LACTB: variants seen among roughly 807,000 people sequenced by gnomAD.
LACTB encodes serine beta-lactamase-like protein LACTB, mitochondrial.
A neutral mutation model predicts 50.2 loss-of-function variants in LACTB; 35 were observed. The observed-to-expected ratio is 0.70, with a 90% confidence interval of 0.53 to 0.92. The LOEUF is 0.92. Ranked by LOEUF, LACTB falls within the 40% of genes least tolerant of loss-of-function variation. LACTB has a pLI of 0.00. For missense variants in LACTB, 664 were observed against 691.8 expected, an observed-to-expected ratio of 0.96 and a Z score of 0.45; for synonymous variants, 252 against 268.2, an observed-to-expected ratio of 0.94 and a Z score of 0.59.
intron 2 of LACTB, among the ~76,000 whole-genome samples, chr15:63,125,231 G>A (rs1379321293): frequency 1.3e-5 from 2 of 150,546 alleles, no homozygotes; most frequent in South Asian, 2.1e-4. Context: ...GCAATAGTGC[G>A]ATCTCAGCTC....
In LACTB at chr15:63,122,169, T is replaced by G; in HGVS notation, c.298T>G (p.Cys100Gly). The change falls in exon 1 of 6, where the codon TGC (cysteine) becomes GGC (glycine). Residue 100 changes from cysteine (C) to glycine (G), a missense_variant. By Grantham distance (159) the Cys-to-Gly change is radical (BLOSUM62 -3). Coordinates refer to ENST00000261893, the MANE Select transcript of LACTB (RefSeq NM_032857.5). ...PWSPQTPAPP[C>G]SRCFARAIES... ...GTCTCCGCAGACCCCGGCGCCGCCC[T>G]GCTCCAGGTGCTTCGCCAGAGCCAT... is the stretch of plus-strand genomic sequence containing the variant. 1 of 1,523,536 alleles carries G rather than the reference T, an allele frequency of 6.6e-7. No individual in the cohort carries two copies. Among genetic ancestry groups the G allele is most frequent in the Non-Finnish European group, 8.7e-7 (1 of 1,143,558 alleles). 94.4% of individuals were successfully genotyped at this position (1,523,536 alleles called of 1,614,324 possible). A position where few individuals can be genotyped will look rare whatever the true frequency, so the allele number is the denominator to read the frequency against.
intron 2 of LACTB, among the ~76,000 whole-genome samples, chr15:63,125,436 G>A (rs947109996): frequency 6.6e-6 from 1 of 152,034 alleles, no homozygotes; most frequent in Admixed American, 6.6e-5. Flanking sequence ...CCAAAGTGCT[G>A]GGATTACAGG....
intron 5 of LACTB, among the ~76,000 whole-genome samples, chr15:63,138,483 T>G (rs1258153407): frequency 6.6e-6 from 1 of 152,192 alleles, no homozygotes; most frequent in Non-Finnish European, 1.5e-5. Flanking sequence ...CAAGAACTTG[T>G]GTCTATATTC....
chr15:63,131,063 T>TG (rs1401776341), intron 5 of LACTB: 1 of 152,168 alleles, frequency 6.6e-6, no homozygotes, highest in East Asian at 1.9e-4. Flanking sequence ...GAGGCTGAGG[T>TG]GGGCGGATCA....
intron 2 of LACTB, among the ~76,000 whole-genome samples, chr15:63,123,441 C>A (rs1450358067): frequency 6.6e-6 from 1 of 152,172 alleles, no homozygotes; most frequent in African/African-American, 2.4e-5. Context: ...TAGGGACCAG[C>A]CCCACAGGGT....
intron 2 of LACTB, 136 bp downstream of exon 2, chr15:63,122,838 A>C (rs542647185): frequency 3.1e-6 from 2 of 652,388 alleles, no homozygotes; most frequent in East Asian, 5.6e-5. Context: ...CATCTAACAT[A>C]ATAAAGAGTC....
chr15:63,122,290 CG>C (rs767566227), intron 1 of LACTB, 62 bp downstream of exon 1: 85 of 1,394,580 alleles, frequency 6.1e-5, no homozygotes, highest in South Asian at 3.7e-4. Context: ...GCGGTGCTGT[CG>C]GGGGCTGAGT....
In LACTB at chr15:63,122,083, C is replaced by T. The variant is rs1214119006; in HGVS notation, c.212C>T (p.Ala71Val). The T allele has an allele frequency of 1.4e-6, 2 of 1,457,518 alleles. No individual in the cohort carries two copies. Among genetic ancestry groups the T allele is most frequent in the Non-Finnish European group, 1.8e-6 (2 of 1,113,516 alleles). The allele number at this position is 1,457,518 out of a possible 1,614,324, so 90.3% of individuals were successfully genotyped here. A position where few individuals can be genotyped will look rare whatever the true frequency, so the allele number is the denominator to read the frequency against. ...RGAAPAQSPA[A>V]PDPEASPLAE... ...GCGGCCCCGGCGCAGTCCCCCGCGG[C>T]CCCCGACCCTGAGGCGTCGCCTCTG... The change falls in exon 1 of 6, where the codon GCC becomes GTC. Residue 71 changes from alanine to valine, a missense_variant. Coordinates refer to ENST00000261893, the MANE Select transcript of LACTB (RefSeq NM_032857.5).
At chr15:63,125,301 G>C (rs192537663) in intron 2 of LACTB, among the ~76,000 whole-genome samples, 19 of 151,838 alleles carry the variant, frequency 1.3e-4, no homozygotes, top group Admixed American at 3.9e-4. Flanking sequence ...CCGATTAGCT[G>C]GGATTACAGG....
At chr15:63,140,593 C>G (rs1249837336) in intron 5 of LACTB, among the ~76,000 whole-genome samples, 6 of 152,164 alleles carry the variant, frequency 3.9e-5, no homozygotes, top group Non-Finnish European at 8.8e-5. Context: ...GCCTTTCCCA[C>G]TGCACCAAGA....
At chr15:63,136,608 C>G (rs1471098372) in intron 5 of LACTB, among the ~76,000 whole-genome samples, 1 of 151,948 alleles carries the variant, frequency 6.6e-6, no homozygotes, top group East Asian at 1.9e-4. Flanking sequence ...CTATTTGGGC[C>G]TCTAAAACTC....
chr15:63,122,132 C>G lies in LACTB; in HGVS notation c.261C>G (p.Ser87=). The G allele has an allele frequency of 6.7e-7, 1 of 1,498,170 alleles. No homozygotes were observed. Among genetic ancestry groups the G allele is most frequent in the Non-Finnish European group, 8.8e-7 (1 of 1,131,490 alleles). The allele number at this position is 1,498,170 out of a possible 1,614,324, so 92.8% of individuals were successfully genotyped here. Residue 87 remains serine (S), a synonymous_variant, in exon 1 of 6, where the codon TCC becomes TCG. Transcript: ENST00000261893. ...SPLAEPPQEQ[S]LAPWSPQTPA... The stretch of plus-strand genomic sequence containing the variant: ...TGGCCGAGCCGCCACAGGAGCAGTC[C>G]CTCGCCCCGTGGTCTCCGCAGACCC...
intron 2 of LACTB, chr15:63,125,858 C>G (rs1219298731): frequency 1.4e-5 from 1 of 69,782 alleles, no homozygotes; most frequent in African/African-American, 4.1e-5. Context: ...TTCTTTCTTT[C>G]TTTCTTTTTT....
At chr15:63,133,170 A>G (rs2037148387) in intron 5 of LACTB, among the ~76,000 whole-genome samples, 1 of 152,206 alleles carries the variant, frequency 6.6e-6, no homozygotes, top group African/African-American at 2.4e-5. Flanking sequence ...AAATGCTATG[A>G]TTTTATATAA....
chr15:63,132,978 C>T (rs1219671702), intron 5 of LACTB, among the ~76,000 whole-genome samples: 1 of 152,158 alleles, frequency 6.6e-6, no homozygotes, highest in African/African-American at 2.4e-5. Flanking sequence ...ACGACATTTT[C>T]TCTCCATTTT....
chr15:63,141,695 G>C lies in LACTB; in HGVS notation c.1534G>C (p.Val512Leu), dbSNP rs1040866866. Residue 512 changes from valine (V) to leucine (L), a missense_variant, in exon 6 of 6, where the codon GTT (valine) becomes CTT (leucine). Val to Leu is a conservative substitution (Grantham distance 32). Coordinates refer to ENST00000261893, the MANE Select transcript of LACTB (RefSeq NM_032857.5). The stretch of plus-strand genomic sequence containing the variant: ...GGATACAGAGACTATAAATAACAAG[G>C]TTCCCCCAAGAGGAATCATTGTTTC... ...ELDTETINNK[V>L]PPRGIIVSII... 6.2e-7 allele frequency: 1 copy of C among 1,614,104 alleles called. No homozygotes were observed. Among genetic ancestry groups the C allele is most frequent in the Admixed American group, 1.7e-5 (1 of 60,020 alleles).
At position 63,127,566 on chromosome 15, in the gene LACTB, A is replaced by T. The variant is rs766986822; in HGVS notation, c.829A>T (p.Asn277Tyr). ...TEQENEAKCR[N>Y]SKPGKKKNDF... ...GCAGGAGAATGAAGCCAAATGCCGG[A>T]ATTCAAAACCTGGCAAGAAAAAGAA... The change falls in exon 4 of 6, where the codon AAT (asparagine) becomes TAT (tyrosine). Residue 277 changes from asparagine (N) to tyrosine (Y), a missense_variant. Physicochemically the swap from Asn to Tyr is moderately radical, Grantham distance 143. Coordinates refer to ENST00000261893, the MANE Select transcript of LACTB (RefSeq NM_032857.5). 2 of 1,613,812 alleles carry T rather than the reference A, an allele frequency of 1.2e-6. No individual in the cohort carries two copies. The highest frequency in any genetic ancestry group is 2.2e-5 in the South Asian group (2 of 91,052).
intron 5 of LACTB, among the ~76,000 whole-genome samples, chr15:63,135,218 T>C (rs1346203474): frequency 6.6e-6 from 1 of 152,206 alleles, no homozygotes; most frequent in Non-Finnish European, 1.5e-5. Context: ...CATACTAGTT[T>C]TGTTCAATCT....
intron 5 of LACTB, among the ~76,000 whole-genome samples, chr15:63,135,082 C>G (rs1042572910): frequency 5.9e-5 from 9 of 152,136 alleles, no homozygotes; most frequent in Non-Finnish European, 1.3e-4. Context: ...AACAAATCAA[C>G]TATTACTTTT....
Sources: allele counts gnomAD v4.1 joint callset (sites outside exome capture counted in the v4.1 genomes callset), GRCh38; gene constraint gnomAD v4.1.1; transcripts MANE v1.5; gene names NCBI Gene and HGNC (gene_info 2026-07-23, HGNC 2026-07-21).